MCTP1: variants seen among roughly 807,000 people sequenced by gnomAD.
The protein encoded by MCTP1 is multiple C2 and transmembrane domain-containing protein 1.
A neutral mutation model predicts 120.6 loss-of-function variants in MCTP1; 69 were observed. That is an observed-to-expected ratio of 0.57 (90% CI 0.47 to 0.70). MCTP1 has a LOEUF of 0.70. Among genes scored for constraint, MCTP1 ranks in the 30% least tolerant of loss-of-function variants. The pLI, the probability that MCTP1 is intolerant of heterozygous loss-of-function variation, is 0.00. For missense variants in MCTP1, 1,203 were observed against 1,248.8 expected (o/e 0.96, Z 0.55); for synonymous variants, 529 against 493.1 (o/e 1.07, Z -0.96).
intron 19 of MCTP1, among the ~76,000 whole-genome samples, chr5:94,776,559 C>CT (rs1051865163): frequency 2.0e-5 from 3 of 152,270 alleles, no homozygotes. Flanking sequence ...CCAACATATG[C>CT]TTCAGGTTCA....
At chr5:95,057,672 T>G (rs1278942231) in intron 1 of MCTP1, among the ~76,000 whole-genome samples, 2 of 152,214 alleles carry the variant, frequency 1.3e-5, no homozygotes, top group Non-Finnish European at 2.9e-5. Context: ...TCTCCCTTTA[T>G]AAGCTCACCC....
chr5:95,197,479 A>T (rs748289477), intron 1 of MCTP1, among the ~76,000 whole-genome samples: 16 of 152,200 alleles, frequency 1.1e-4, no homozygotes, highest in Non-Finnish European at 2.1e-4. Flanking sequence ...TCAATTGAGC[A>T]ATAGCTAAAT....
At chr5:94,856,310 A>G (rs1182403476) in intron 17 of MCTP1, among the ~76,000 whole-genome samples, 2 of 151,756 alleles carry the variant, frequency 1.3e-5, no homozygotes, top group African/African-American at 4.8e-5. Flanking sequence ...GTTACGATAT[A>G]ATCATCAATA....
intron 3 of MCTP1, among the ~76,000 whole-genome samples, chr5:94,947,938 T>G (rs529195859): frequency 1.3e-5 from 2 of 152,064 alleles, no homozygotes; most frequent in East Asian, 3.9e-4. Flanking sequence ...ATATTAGAGC[T>G]TCTTTAAAGG....
chr5:94,921,105 CA>C (rs1345858555), intron 7 of MCTP1, among the ~76,000 whole-genome samples: 2 of 152,174 alleles, frequency 1.3e-5, no homozygotes, highest in African/African-American at 4.8e-5. Context: ...GAAACTTAAG[CA>C]TGCTAAATAT....
chr5:95,017,606 T>C, intron 1 of MCTP1, 122 bp from the exon 2 acceptor site: 1 of 467,116 alleles, frequency 2.1e-6, no homozygotes, highest in Non-Finnish European at 3.6e-6. Flanking sequence ...AATAATCTTC[T>C]GATTTCATAC....
rs113470511 is a variant in MCTP1, at chr5:94,953,508, T to C, written c.839-147A>G. ...GAAATAAGAGTTAAGTGTTTTCTTATGAATTTTTTATTATATATTGAAGTG... is the reference window on the plus strand; with the variant it reads ...GAAATAAGAGTTAAGTGTTTTCTTACGAATTTTTTATTATATATTGAAGTG... On this transcript the variant is annotated intron_variant, in intron 2 of 22. Transcript: ENST00000515393. 2.2e-3 allele frequency: 1,128 copies of C among 506,654 alleles called. 11 individuals are homozygous for C. Among genetic ancestry groups the C allele is most frequent in the African/African-American group, 0.019 (975 of 50,320 alleles). 31.4% of individuals were successfully genotyped at this position (506,654 alleles called of 1,614,324 possible). A position where few individuals can be genotyped will look rare whatever the true frequency, so the allele number is the denominator to read the frequency against.
chr5:94,882,634 A>C (rs1214646170), intron 12 of MCTP1, among the ~76,000 whole-genome samples: 1 of 152,194 alleles, frequency 6.6e-6, no homozygotes, highest in Admixed American at 6.6e-5. Context: ...CTCTGAGCCA[A>C]ATCAGCAATT....
intron 16 of MCTP1, 75 bp from the exon 17 acceptor site, chr5:94,868,527 C>G: frequency 9.5e-7 from 1 of 1,052,292 alleles, no homozygotes; most frequent in East Asian, 2.9e-5. Flanking sequence ...ATTCTTCAAG[C>G]TTATTGTGAC....
At chr5:94,870,512 C>G in intron 15 of MCTP1, 21 bp from the exon 16 acceptor site, 1 of 1,472,996 alleles carries the variant, frequency 6.8e-7, no homozygotes, top group Non-Finnish European at 9.5e-7. Context: ...ACATATGTGT[C>G]TGTTATGGAT....
intron 3 of MCTP1, among the ~76,000 whole-genome samples, chr5:94,948,435 T>C (rs1819660303): frequency 6.6e-6 from 1 of 152,198 alleles, no homozygotes; most frequent in Non-Finnish European, 1.5e-5. Flanking sequence ...AGTCATGCTT[T>C]TTTGTTTGTT....
chr5:95,090,147 C>T (rs747184250), intron 1 of MCTP1, among the ~76,000 whole-genome samples: 7 of 152,148 alleles, frequency 4.6e-5, no homozygotes, highest in Non-Finnish European at 7.3e-5. Context: ...GTTTTAAAAT[C>T]GGACAACCTA....
At chr5:95,208,588 C>T (rs1751947659) in intron 1 of MCTP1, among the ~76,000 whole-genome samples, 1 of 152,020 alleles carries the variant, frequency 6.6e-6, no homozygotes, top group South Asian at 2.1e-4. Context: ...GTTTAAATAA[C>T]ATGAGCAGGA....
At chr5:94,858,979 T>A (rs1053867176) in intron 17 of MCTP1, among the ~76,000 whole-genome samples, 22 of 151,720 alleles carry the variant, frequency 1.5e-4, no homozygotes, top group African/African-American at 5.3e-4. Flanking sequence ...ATCTATGACA[T>A]TCCCACTGTG....
chr5:95,026,673 G>C (rs1183056678), intron 1 of MCTP1, among the ~76,000 whole-genome samples: 1 of 152,126 alleles, frequency 6.6e-6, no homozygotes, highest in Admixed American at 6.6e-5. Context: ...ACTGTACAGT[G>C]GGGGAGGGGT....
Position 95,207,928 on chromosome 5 carries a change from C to CGA in MCTP1, c.720+75926_720+75927dup, listed in dbSNP as rs753843212. Among the ~76,000 whole-genome samples, 140 of 84,582 alleles carry CGA rather than the reference C, an allele frequency of 1.7e-3. 2 individuals are homozygous for CGA. The highest frequency in any genetic ancestry group is 8.3e-3 in the South Asian group (20 of 2,422). The allele number at this position is 84,582 out of a possible 152,430, so 55.5% of individuals were successfully genotyped here. ...CAAAATGAAAAAAAGAATGAGCGGG[C>CGA]GAGAGAGAGAGAGAGAGAGGGAGAG... On this transcript the variant is annotated intron_variant, in intron 1 of 22. Transcript: ENST00000515393.
At chr5:95,060,875 G>A (rs1582087431) in intron 1 of MCTP1, among the ~76,000 whole-genome samples, 1 of 150,636 alleles carries the variant, frequency 6.6e-6, no homozygotes, top group East Asian at 2.0e-4. Flanking sequence ...AGGAGGCTGA[G>A]GCAGGAGAAA....
At chr5:94,710,703 G>T in intron 21 of MCTP1, 115 bp downstream of exon 21, 3 of 633,708 alleles carry the variant, frequency 4.7e-6, no homozygotes, top group South Asian at 4.4e-5. Flanking sequence ...TTTCATCATG[G>T]AGTAGCTTCA....
At chr5:95,228,169 A>G (rs1754496442) in intron 1 of MCTP1, among the ~76,000 whole-genome samples, 1 of 152,210 alleles carries the variant, frequency 6.6e-6, no homozygotes, top group Non-Finnish European at 1.5e-5. Context: ...GAGAATTCAA[A>G]GAGAAGATGC....
Sources: gnomAD v4.1 joint callset for allele counts (sites outside exome capture counted in the v4.1 genomes callset) on GRCh38, gnomAD v4.1.1 for gene constraint, MANE v1.5 for transcripts, NCBI Gene and HGNC (gene_info 2026-07-23, HGNC 2026-07-21) for gene names.